Variants in PTBP3 observed in about 807,000 individuals in gnomAD.
PTBP3 encodes the protein polypyrimidine tract-binding protein 3.
Under a neutral mutation model 58.7 loss-of-function variants are expected in PTBP3, and 20 were observed. That is an observed-to-expected ratio of 0.34 (90% CI 0.24 to 0.50). The LOEUF (loss-of-function observed/expected upper bound fraction) is 0.50. PTBP3 is among the 20% of genes least tolerant of loss of function. The pLI is 0.98. For missense variants in PTBP3, 509 were observed against 637.2 expected (o/e 0.80, Z 2.17); for synonymous variants, 185 against 219.8 (o/e 0.84, Z 1.40).
rs2132508508 is a variant in PTBP3, at chr9:112,333,618, G to T, written c.-200C>A. On this transcript the variant is annotated 5_prime_UTR_variant, in exon 1 of 14. Transcript: ENST00000374257. ...CCGGCCGGTCCGAGGTGGAAGGAGAGTGGGAACAGGGGCGGGGACCGGGCA... is the reference window on the plus strand; with the variant it reads ...CCGGCCGGTCCGAGGTGGAAGGAGATTGGGAACAGGGGCGGGGACCGGGCA... 1 of 962,338 alleles carries T rather than the reference G, an allele frequency of 1.0e-6. No homozygotes were observed. Among genetic ancestry groups the T allele is most frequent in the Non-Finnish European group, 1.6e-6 (1 of 643,236 alleles). The allele number at this position is 962,338 out of a possible 1,614,324, so 59.6% of individuals were successfully genotyped here. A position where few individuals can be genotyped will look rare whatever the true frequency, so the allele number is the denominator to read the frequency against.
At chr9:112,228,325 C>T in intron 11 of PTBP3, 55 bp downstream of exon 11, 1 of 1,311,042 alleles carries the variant, frequency 7.6e-7, no homozygotes, top group African/African-American at 1.5e-5. Flanking sequence ...AAGGAAAATT[C>T]ACACACAAAA....
At chr9:112,254,504 A>C (rs750154632) in intron 5 of PTBP3, among the ~76,000 whole-genome samples, 8 of 152,232 alleles carry the variant, frequency 5.3e-5, no homozygotes, top group Non-Finnish European at 1.0e-4. Context: ...AAGATCCAGA[A>C]CAGATAAAGA....
intron 1 of PTBP3, chr9:112,333,007 T>C (rs1222840604): frequency 5.5e-6 from 7 of 1,279,994 alleles, no homozygotes; most frequent in Non-Finnish European, 6.9e-6. Flanking sequence ...GCACCCGCCG[T>C]CGGCCGCTCG....
At chr9:112,314,450 C>CT (rs147677100) in intron 1 of PTBP3, among the ~76,000 whole-genome samples, 1 of 152,164 alleles carries the variant, frequency 6.6e-6, no homozygotes, top group African/African-American at 2.4e-5. Flanking sequence ...AATCCCAGCA[C>CT]TTTGAGAGGT....
the PTBP3 span, among the ~76,000 whole-genome samples, chr9:112,359,000 A>G: frequency 1.3e-5 from 2 of 152,112 alleles, no homozygotes; most frequent in African/African-American, 4.8e-5. Flanking sequence ...ATGCCTAGCT[A>G]AAATTTTTAT....
At chr9:112,333,630 G>A (rs1428542856), upstream of PTBP3, 3 of 808,636 alleles carry the variant, frequency 3.7e-6, no homozygotes, top group Non-Finnish European at 5.6e-6. Context: ...GGGAACAGGG[G>A]CGGGGACCGG....
rs77966855 is a variant in PTBP3 at position 112,266,176 on chromosome 9, A to G, written c.351+1873T>C. On this transcript the variant is annotated intron_variant, in intron 4 of 13. Transcript: ENST00000374257. ...AGGTGATGGGAAATGGCATCTAGAG[A>G]CTAAGTGTGGTGGTGACTATACAAC... is the stretch of plus-strand genomic sequence containing the variant. Among the ~76,000 whole-genome samples the G allele has an allele frequency of 7.7e-3, 1,168 of 152,248 alleles. 21 individuals carry two copies. Among genetic ancestry groups the G allele is most frequent in the African/African-American group, 0.027 (1,113 of 41,540 alleles).
chr9:112,261,412 C>T (rs768851325), intron 5 of PTBP3, among the ~76,000 whole-genome samples: 5 of 152,142 alleles, frequency 3.3e-5, no homozygotes, highest in African/African-American at 9.7e-5. Context: ...GGAAAGTAAA[C>T]GAACTTCTAA....
At chr9:112,379,863 A>G in the PTBP3 span, 5 of 527,964 alleles carry the variant, frequency 9.5e-6, no homozygotes, top group Admixed American at 3.8e-5. Context: ...CAGGAGCCTG[A>G]TTGTCACCGT....
At chr9:112,379,565 G>A in the PTBP3 span, among the ~76,000 whole-genome samples, 1 of 152,250 alleles carries the variant, frequency 6.6e-6, no homozygotes, top group Non-Finnish European at 1.5e-5. Flanking sequence ...GGCTGGCTTG[G>A]GTCCAGATTC....
the PTBP3 span, among the ~76,000 whole-genome samples, chr9:112,350,882 T>A: frequency 9.2e-5 from 14 of 152,294 alleles, no homozygotes; most frequent in South Asian, 2.9e-3. Flanking sequence ...CACTGCAACC[T>A]CCGCCTCCTT....
chr9:112,218,351 T>A (rs146756386), downstream of PTBP3: 1 of 152,380 alleles, frequency 6.6e-6, no homozygotes, highest in African/African-American at 2.4e-5. Context: ...TGGATGGCTA[T>A]GGAAAAGAAA....
intron 1 of PTBP3, among the ~76,000 whole-genome samples, chr9:112,317,395 C>A (rs1170244482): frequency 2.6e-5 from 4 of 151,978 alleles, no homozygotes; most frequent in African/African-American, 7.3e-5. Flanking sequence ...CAGAGCAAGA[C>A]CCTGTCTAAA....
intron 1 of PTBP3, among the ~76,000 whole-genome samples, chr9:112,326,120 T>C (rs1276140605): frequency 2.0e-5 from 3 of 152,200 alleles, no homozygotes; most frequent in Admixed American, 6.5e-5. Flanking sequence ...AGACTGCGTG[T>C]TCTATTATCT....
chr9:112,298,752 G>A (rs1055672072), intron 1 of PTBP3, among the ~76,000 whole-genome samples: 2 of 152,152 alleles, frequency 1.3e-5, no homozygotes, highest in Non-Finnish European at 2.9e-5. Flanking sequence ...TTAAGTGTAG[G>A]TGCCACTTCT....
chr9:112,358,144 C>G, the PTBP3 span, among the ~76,000 whole-genome samples: 1 of 151,970 alleles, frequency 6.6e-6, no homozygotes. Context: ...CCTGTCTCTA[C>G]TAAAAAAAAT....
In PTBP3 at chr9:112,220,149, G is replaced by A. The variant is rs1803012491; in HGVS notation, c.*3702C>T. ...ACATTAGGTTTTCTAAGGGATAGGT[G>A]GGGAAAAACACATGTACTTTTGTCA... is the stretch of plus-strand genomic sequence containing the variant. On this transcript the variant is annotated 3_prime_UTR_variant, in exon 14 of 14. Coordinates refer to ENST00000374257, the MANE Select transcript of PTBP3 (RefSeq NM_001163788.4). 7.6e-7 allele frequency: 1 copy of A among 1,310,440 alleles called. No homozygotes were observed. Among genetic ancestry groups the A allele is most frequent in the Non-Finnish European group, 1.0e-6 (1 of 1,000,296 alleles). 81.2% of individuals were successfully genotyped at this position (1,310,440 alleles called of 1,614,324 possible).
the PTBP3 span, among the ~76,000 whole-genome samples, chr9:112,354,905 A>G: frequency 6.6e-6 from 1 of 152,180 alleles, no homozygotes; most frequent in Non-Finnish European, 1.5e-5. Context: ...TGATTATAGG[A>G]GTCAAATGTT....
At position 112,220,885 on chromosome 9, in the gene PTBP3, A is replaced by G; in HGVS notation, c.*2966T>C. 1.0e-6 allele frequency: 1 copy of G among 969,976 alleles called. No individual in the cohort carries two copies. Among genetic ancestry groups the G allele is most frequent in the Non-Finnish European group, 1.2e-6 (1 of 815,910 alleles). The allele number at this position is 969,976 out of a possible 1,614,324, so 60.1% of individuals were successfully genotyped here. ...TACTCCTTAAAAATAAAATAAACTT[A>G]AAAATAGGATACTACGGTAGATCAA... is the stretch of plus-strand genomic sequence containing the variant. On this transcript the variant is annotated 3_prime_UTR_variant, in exon 14 of 14. Coordinates refer to ENST00000374257, the MANE Select transcript of PTBP3 (RefSeq NM_001163788.4).
Sources: allele counts gnomAD v4.1 joint callset (sites outside exome capture counted in the v4.1 genomes callset), GRCh38; gene constraint gnomAD v4.1.1; transcripts MANE v1.5; gene names NCBI Gene and HGNC (gene_info 2026-07-23, HGNC 2026-07-21).